Variants in PITPNM2 observed in about 807,000 individuals in gnomAD.
The protein encoded by PITPNM2 is membrane-associated phosphatidylinositol transfer protein 2.
A neutral mutation model predicts 132.2 loss-of-function variants in PITPNM2; 35 were observed. The observed-to-expected ratio is 0.26, with a 90% CI of 0.20 to 0.35. The LOEUF is 0.35. Among genes scored for constraint, PITPNM2 ranks in the 10% least tolerant of loss-of-function variants. The pLI is 1.00. For missense variants in PITPNM2, 1,332 were observed against 1,912.0 expected, an observed-to-expected ratio of 0.70 and a Z score of 5.66; for synonymous variants, 738 against 799.2, an observed-to-expected ratio of 0.92 and a Z score of 1.29.
rs775294538 is a variant in PITPNM2 at position 122,989,820 on chromosome 12, C to T, written c.2698G>A (p.Ala900Thr). 4.7e-5 allele frequency: 66 copies of T among 1,403,594 alleles called. No individual in the cohort carries two copies. The Middle Eastern group carries it at 1.1e-3, about 23-fold the overall frequency. The allele number at this position is 1,403,594 out of a possible 1,614,324, so 86.9% of individuals were successfully genotyped here. ...ARKASPGLER[A>T]PGLPELDIGE... ...ATGTCCAGCTCAGGGAGGCCAGGGG[C>T]CCTCTCCAGGCCAGGGCTTGCCTTC... Residue 900 changes from alanine (A) to threonine (T), a missense_variant, in exon 18 of 26, where the codon GCC becomes ACC. Physicochemically the swap from Ala to Thr is moderately conservative, Grantham distance 58. Coordinates refer to ENST00000320201, the MANE Select transcript of PITPNM2 (RefSeq NM_020845.3).
At chr12:123,101,947 G>A (rs965239892) in intron 2 of PITPNM2, among the ~76,000 whole-genome samples, 5 of 152,168 alleles carry the variant, frequency 3.3e-5, no homozygotes, top group African/African-American at 7.2e-5. Flanking sequence ...ATGCAAGTTC[G>A]AGACTGCAGT....
rs1425362368 is a variant in PITPNM2 at position 123,058,887 on chromosome 12, G to C, written c.-95-24202C>G. Among the ~76,000 whole-genome samples the C allele has an allele frequency of 6.6e-6, 1 of 152,016 alleles. No individual in the cohort carries two copies. The highest frequency in any genetic ancestry group is 2.4e-5 in the African/African-American group (1 of 41,388). On this transcript the variant is annotated intron_variant, in intron 2 of 25. Coordinates refer to ENST00000320201, the MANE Select transcript of PITPNM2 (RefSeq NM_020845.3). This position sits in a 1 kb window ranked among gnomAD's most constrained non-coding sequence, Gnocchi z 4.0. ...GAGAAGCCCTCCGAGACTACTCTGG[G>C]CAAAGCTGAGTGCCCAGGTGCATTG...
At chr12:123,041,733 G>A (rs1324882114) in intron 2 of PITPNM2, among the ~76,000 whole-genome samples, 1 of 151,956 alleles carries the variant, frequency 6.6e-6, no homozygotes, top group Non-Finnish European at 1.5e-5. Context: ...GGCACAGACA[G>A]AGAAAAAAAA....
chr12:123,070,411 G>A (rs2041588933), intron 2 of PITPNM2, among the ~76,000 whole-genome samples: 1 of 152,200 alleles, frequency 6.6e-6, no homozygotes, highest in Non-Finnish European at 1.5e-5. Flanking sequence ...TGGCACCGCT[G>A]TCACAGCTGC....
In PITPNM2 at chr12:122,985,854, C is replaced by G; in HGVS notation, c.*173G>C. The G allele has an allele frequency of 3.4e-6, 2 of 584,384 alleles. No homozygotes were observed. Among genetic ancestry groups the G allele is most frequent in the Non-Finnish European group, 2.6e-6 (1 of 379,226 alleles). 36.2% of individuals were successfully genotyped at this position (584,384 alleles called of 1,614,324 possible). ...CCATGACAAGCCGGACCCGTCAGGCCCGAGGACGTGAGGCAGGGCAGGGAG... is the reference window on the plus strand; with the variant it reads ...CCATGACAAGCCGGACCCGTCAGGCGCGAGGACGTGAGGCAGGGCAGGGAG... On this transcript the variant is annotated 3_prime_UTR_variant, in exon 26 of 26. Transcript: ENST00000320201.
intron 2 of PITPNM2, chr12:123,092,041 G>C (rs1178765602): frequency 2.0e-5 from 3 of 152,390 alleles, no homozygotes; most frequent in African/African-American, 7.2e-5. Context: ...GCTTTGTTTT[G>C]AAAACTGAGG....
chr12:123,072,144 G>T (rs1206509031), intron 2 of PITPNM2, among the ~76,000 whole-genome samples: 4 of 152,230 alleles, frequency 2.6e-5, no homozygotes, highest in Non-Finnish European at 5.9e-5. Flanking sequence ...CAGGGTGACA[G>T]GAAAAGTGAG....
chr12:123,097,513 G>A lies in PITPNM2; in HGVS notation c.-96+12872C>T, dbSNP rs1274628564. On this transcript the variant is annotated intron_variant, in intron 2 of 25. Transcript: ENST00000320201. The surrounding 1 kb of genome is among the most constrained non-coding windows in gnomAD (Gnocchi z 4.7). ...AGGCACAAGTGAGCTGTGGCTGGGA[G>A]TCAGGAAGGGAGATTGTCTTTCTTA... Among the ~76,000 whole-genome samples, 1 of 152,184 alleles carries A rather than the reference G, an allele frequency of 6.6e-6. No individual in the cohort carries two copies. The highest frequency in any genetic ancestry group is 1.5e-5 in the Non-Finnish European group (1 of 68,028).
Position 122,991,928 on chromosome 12 carries a change from C to T in PITPNM2, c.2404+571G>A, listed in dbSNP as rs1373791192. The T allele has an allele frequency of 3.8e-6, 5 of 1,305,162 alleles. No individual in the cohort carries two copies. In the East Asian group the frequency reaches 1.1e-4, roughly 29 times the overall value. 80.8% of individuals were successfully genotyped at this position (1,305,162 alleles called of 1,614,324 possible). A position where few individuals can be genotyped will look rare whatever the true frequency, so the allele number is the denominator to read the frequency against. ...AGGCAGACGGGGAGAGAACAGAGGA[C>T]AAGAACAGACACTTGCATGGGCCAT... On this transcript the variant is annotated intron_variant, in intron 16 of 25. Transcript: ENST00000320201.
At position 123,078,562 on chromosome 12, in the gene PITPNM2, C is replaced by T. The variant is rs555217937; in HGVS notation, c.-96+31823G>A. Among the ~76,000 whole-genome samples, 4 of 152,334 alleles carry T rather than the reference C, an allele frequency of 2.6e-5. No homozygotes were observed. In the East Asian group the frequency reaches 7.7e-4, roughly 29 times the overall value. On this transcript the variant is annotated intron_variant, in intron 2 of 25. Transcript: ENST00000320201. This position sits in a 1 kb window ranked among gnomAD's most constrained non-coding sequence, Gnocchi z 7.3. ...TGTTAGGGGAGGCGTTGTGGATTTC[C>T]ACCTGCCCGGCCTCCCTGTTTCTAA...
intron 19 of PITPNM2, 148 bp downstream of exon 19, chr12:122,988,576 C>T (rs560111747): frequency 4.1e-5 from 36 of 886,222 alleles, no homozygotes; most frequent in African/African-American, 2.4e-4. Flanking sequence ...CCTGAATACA[C>T]CCGAGCATAA....
At chr12:123,020,953 T>C (rs1398407207) in intron 3 of PITPNM2, among the ~76,000 whole-genome samples, 1 of 136,472 alleles carries the variant, frequency 7.3e-6, no homozygotes, top group African/African-American at 2.8e-5. Flanking sequence ...TCTTTGAACC[T>C]AGGAGGCAGA....
intron 20 of PITPNM2, 45 bp downstream of exon 20, chr12:122,988,189 G>A: frequency 3.3e-6 from 5 of 1,503,108 alleles, no homozygotes; most frequent in Non-Finnish European, 4.6e-6. Flanking sequence ...GGAGGCTGGT[G>A]ACAGGGTGAC....
intron 6 of PITPNM2, among the ~76,000 whole-genome samples, chr12:123,007,058 G>C (rs183207790): frequency 3.3e-5 from 5 of 152,322 alleles, no homozygotes; most frequent in African/African-American, 1.2e-4. Flanking sequence ...CCTGGCCCCT[G>C]ACAGTTGGCC....
At chr12:123,121,019 T>C (rs778103158) in intron 1 of PITPNM2, among the ~76,000 whole-genome samples, 11 of 152,156 alleles carry the variant, frequency 7.2e-5, no homozygotes, top group Non-Finnish European at 1.5e-4. Flanking sequence ...AGTTAGAGAA[T>C]AGAATCTTCT....
intron 1 of PITPNM2, among the ~76,000 whole-genome samples, chr12:123,139,628 C>T (rs2043459639): frequency 6.6e-6 from 1 of 152,194 alleles, no homozygotes; most frequent in African/African-American, 2.4e-5. Flanking sequence ...TCCCACACAC[C>T]ACATCTGCTG....
Position 122,989,946 on chromosome 12 carries a change from C to T in PITPNM2, c.2572G>A (p.Ala858Thr). 7.7e-7 allele frequency: 1 copy of T among 1,302,928 alleles called. No individual in the cohort carries two copies. Among genetic ancestry groups the T allele is most frequent in the African/African-American group, 1.5e-5 (1 of 64,828 alleles). 80.7% of individuals were successfully genotyped at this position (1,302,928 alleles called of 1,614,324 possible). ...GGGGTATGGCTGAGCGCATCGGGGGCCTCTGAGAAGCAAGAGCAATGGATG... is the reference window on the plus strand; with the variant it reads ...GGGGTATGGCTGAGCGCATCGGGGGTCTCTGAGAAGCAAGAGCAATGGATG... ...SYTASSIAQKAPDALSHTPSV... is the reference protein window; with the variant it reads ...SYTASSIAQKTPDALSHTPSV... The change falls in exon 18 of 26, where the codon GCC becomes ACC. Residue 858 changes from alanine (A) to threonine (T), a missense_variant and splice_region_variant. By Grantham distance (58) the Ala-to-Thr change is moderately conservative. Around this residue, in one of 6 missense-constraint regions of PITPNM2, gnomAD observed 710 missense variants for 911.5 expected, o/e 0.78. Transcript: ENST00000320201.
At chr12:123,030,781 G>A (rs977365649) in intron 3 of PITPNM2, among the ~76,000 whole-genome samples, 1 of 152,142 alleles carries the variant, frequency 6.6e-6, no homozygotes, top group African/African-American at 2.4e-5. Context: ...AATGTGGTCT[G>A]TTCATACAGT....
chr12:122,989,309 T>C (rs2038080938), intron 18 of PITPNM2, among the ~76,000 whole-genome samples: 1 of 152,204 alleles, frequency 6.6e-6, no homozygotes, highest in African/African-American at 2.4e-5. Flanking sequence ...GCAAGGGTGC[T>C]GCCCTTCTCG....
Sources: allele counts gnomAD v4.1 joint callset (sites outside exome capture counted in the v4.1 genomes callset), GRCh38; gene constraint gnomAD v4.1.1; regional missense constraint gnomAD v4.1.1; non-coding constraint Gnocchi (gnomAD v3.1); transcripts MANE v1.5; gene names NCBI Gene and HGNC (gene_info 2026-07-23, HGNC 2026-07-21).